STPG4: variants seen among roughly 807,000 people sequenced by gnomAD.
STPG4 encodes protein STPG4.
A neutral mutation model predicts 31.5 loss-of-function variants in STPG4; 41 were observed. The observed-to-expected ratio is 1.30, with a 90% CI of 1.01 to 1.69. STPG4 has a LOEUF of 1.69. STPG4 is among the 40% of genes most tolerant of loss of function. The pLI, the probability that STPG4 is intolerant of heterozygous loss-of-function variation, is 0.00. For missense variants in STPG4, 375 were observed against 293.4 expected, an observed-to-expected ratio of 1.28 and a Z score of -2.03; for synonymous variants, 141 against 103.0, an observed-to-expected ratio of 1.37 and a Z score of -2.24.
rs572256321 is a variant in STPG4, at chr2:47,153,828, A to G, written c.82-812T>C. ...CTTATAAAGACTTGCATATACAATCAGTGCTTAATAAATGGTAGCTTTAAT... is the reference window on the plus strand; with the variant it reads ...CTTATAAAGACTTGCATATACAATCGGTGCTTAATAAATGGTAGCTTTAAT... On this transcript the variant is annotated intron_variant, in intron 1 of 6. Transcript: ENST00000445927. Among the ~76,000 whole-genome samples, 13 of 152,354 alleles carry G rather than the reference A, an allele frequency of 8.5e-5. No individual in the cohort carries two copies. The East Asian group carries it at 2.3e-3, about 27-fold the overall frequency.
intron 3 of STPG4, among the ~76,000 whole-genome samples, chr2:47,142,987 G>C (rs1232320805): frequency 2.6e-5 from 4 of 151,722 alleles, no homozygotes; most frequent in African/African-American, 9.7e-5. Flanking sequence ...ACAGGCGCCT[G>C]CCACCACACA....
intron 6 of STPG4, among the ~76,000 whole-genome samples, chr2:47,089,284 G>A (rs970953545): frequency 6.6e-6 from 1 of 152,190 alleles, no homozygotes; most frequent in African/African-American, 2.4e-5. Flanking sequence ...CAGTCTGTCT[G>A]CAATTTCACT....
chr2:47,154,106 G>T (rs815807), intron 1 of STPG4, among the ~76,000 whole-genome samples: 41 of 152,114 alleles, frequency 2.7e-4, no homozygotes, highest in African/African-American at 9.7e-4. Flanking sequence ...TCATCAAGCA[G>T]GACTGCATTA....
chr2:47,110,378 G>A (rs1375368622), intron 5 of STPG4, among the ~76,000 whole-genome samples: 2 of 152,196 alleles, frequency 1.3e-5, no homozygotes, highest in Non-Finnish European at 2.9e-5. Flanking sequence ...CAGATCACTC[G>A]AGGTCAGGAG....
At chr2:47,149,092 T>G (rs191657372) in intron 3 of STPG4, among the ~76,000 whole-genome samples, 1 of 152,312 alleles carries the variant, frequency 6.6e-6, no homozygotes, top group Admixed American at 6.5e-5. Flanking sequence ...ATGTTTATGT[T>G]TCCCCTTGTG....
chr2:47,143,147 T>C (rs1186416836), intron 3 of STPG4, among the ~76,000 whole-genome samples: 1 of 152,132 alleles, frequency 6.6e-6, no homozygotes, highest in Non-Finnish European at 1.5e-5. Context: ...TTGTAATGGT[T>C]GCACAGTATG....
chr2:47,118,669 C>T (rs960089795), intron 5 of STPG4, among the ~76,000 whole-genome samples: 16 of 152,156 alleles, frequency 1.1e-4, no homozygotes, highest in African/African-American at 3.9e-4. Context: ...TAAGCCCTGA[C>T]TCTATCTCTT....
chr2:47,149,423 A>G (rs1374512592), intron 3 of STPG4, among the ~76,000 whole-genome samples: 1 of 152,236 alleles, frequency 6.6e-6, no homozygotes. Context: ...CATTTGAGAT[A>G]GCCAGAACAA....
chr2:47,118,112 G>A (rs576458158), intron 5 of STPG4, among the ~76,000 whole-genome samples: 9 of 152,014 alleles, frequency 5.9e-5, no homozygotes, highest in Non-Finnish European at 1.0e-4. Flanking sequence ...AGTTGCTTAC[G>A]TCAGGGTCCC....
Position 47,121,683 on chromosome 2 carries a change from T to C in STPG4, c.519+8258A>G, listed in dbSNP as rs188584752. Among the ~76,000 whole-genome samples the C allele has an allele frequency of 3.3e-5, 5 of 152,250 alleles. No homozygotes were observed. In the East Asian group the frequency reaches 9.6e-4, roughly 29 times the overall value. ...TTCTAGGGTCTGAAGTCTGAGTCAGTTTCACTGGGCTAAAATTATATGTCA... is the reference window on the plus strand; with the variant it reads ...TTCTAGGGTCTGAAGTCTGAGTCAGCTTCACTGGGCTAAAATTATATGTCA... On this transcript the variant is annotated intron_variant, in intron 5 of 6. Transcript: ENST00000445927.
At chr2:47,116,961 C>A (rs534158524) in intron 5 of STPG4, among the ~76,000 whole-genome samples, 3 of 152,070 alleles carry the variant, frequency 2.0e-5, no homozygotes, top group African/African-American at 7.2e-5. Flanking sequence ...TAATGAATAC[C>A]TTATGGAAAG....
chr2:47,127,422 C>G (rs1008614925), intron 5 of STPG4, among the ~76,000 whole-genome samples: 5 of 152,042 alleles, frequency 3.3e-5, no homozygotes, highest in Non-Finnish European at 4.4e-5. Context: ...GTGTGCACCA[C>G]CACACTCAGA....
chr2:47,144,473 C>T (rs376396784), intron 3 of STPG4, among the ~76,000 whole-genome samples: 83 of 152,144 alleles, frequency 5.5e-4, no homozygotes, highest in African/African-American at 2.0e-3. Flanking sequence ...TGCTTGAGTC[C>T]AGGAGTTTAA....
chr2:47,140,004 G>A lies in STPG4; in HGVS notation c.400-9744C>T, dbSNP rs551172417. Among the ~76,000 whole-genome samples the A allele has an allele frequency of 8.4e-4, 128 of 152,142 alleles. 2 individuals are homozygous for A. The East Asian group carries it at 0.024, about 29-fold the overall frequency. On this transcript the variant is annotated intron_variant, in intron 3 of 6. Transcript: ENST00000445927. ...TTGGCCAGGCTGGTCTCAAACTCCT[G>A]ACCCTGTGATCCGCCCGCCTCAGCC... is the stretch of plus-strand genomic sequence containing the variant.
Position 47,090,365 on chromosome 2 carries a change from G to A in STPG4, c.529C>T (p.Pro177Ser), listed in dbSNP as rs1406797499. ...PTTYFIPHEG[P>S]GPGHYNVKMP... Reference sequence around the variant, plus strand: ...TTCACATTATAATGACCTGGACCAGGGCCTTCATGCTATTGAACATTTAAA... The same window carrying A: ...TTCACATTATAATGACCTGGACCAGAGCCTTCATGCTATTGAACATTTAAA... Residue 177 changes from proline to serine, a missense_variant, in exon 6 of 7, where the codon CCT becomes TCT. Coordinates refer to ENST00000445927, the MANE Select transcript of STPG4 (RefSeq NM_001163561.2). The A allele has an allele frequency of 3.2e-6, 5 of 1,549,842 alleles. No homozygotes were observed. In the African/African-American group the frequency reaches 4.1e-5, roughly 13 times the overall value.
At chr2:47,105,749 T>G (rs1246634771) in intron 5 of STPG4, among the ~76,000 whole-genome samples, 1 of 152,016 alleles carries the variant, frequency 6.6e-6, no homozygotes, top group African/African-American at 2.4e-5. Flanking sequence ...GCAGAACTAG[T>G]GGCACTTACC....
At chr2:47,091,496 T>A (rs1251177897) in intron 5 of STPG4, among the ~76,000 whole-genome samples, 1 of 152,188 alleles carries the variant, frequency 6.6e-6, no homozygotes, top group Non-Finnish European at 1.5e-5. Context: ...AATTCGCTTT[T>A]TTCCCCCCTC....
chr2:47,101,725 A>G (rs926504081), intron 5 of STPG4, among the ~76,000 whole-genome samples: 1 of 151,820 alleles, frequency 6.6e-6, no homozygotes, highest in Admixed American at 6.6e-5. Context: ...CAGGCCTAAC[A>G]AAAGCTATTC....
intron 5 of STPG4, among the ~76,000 whole-genome samples, chr2:47,116,074 G>A (rs1277167025): frequency 6.6e-6 from 1 of 152,210 alleles, no homozygotes; most frequent in Non-Finnish European, 1.5e-5. Flanking sequence ...TTGGGATATA[G>A]TGTTCTTTCC....
Sources: allele counts gnomAD v4.1 joint callset (sites outside exome capture counted in the v4.1 genomes callset), GRCh38; gene constraint gnomAD v4.1.1; transcripts MANE v1.5; gene names NCBI Gene and HGNC (gene_info 2026-07-23, HGNC 2026-07-21).